The following PRDX2 variants were observed in gnomAD, a reference collection of about 807,000 sequenced individuals.
The protein encoded by PRDX2 is peroxiredoxin-2.
A neutral mutation model predicts 19.8 loss-of-function variants in PRDX2; 10 were observed. The observed-to-expected ratio is 0.50, with a 90% CI of 0.31 to 0.86. The LOEUF is 0.86. Among genes scored for constraint, PRDX2 ranks in the 40% least tolerant of loss-of-function variants. The probability of loss-of-function intolerance (pLI) is 0.04; values close to 1 mark genes in which losing one functional copy is unlikely to be tolerated. For missense variants in PRDX2, 226 were observed against 260.1 expected (o/e 0.87, Z 0.90); for synonymous variants, 118 against 108.2 (o/e 1.09, Z -0.56).
rs578206169 is a variant in PRDX2, at chr19:12,798,903, T to G, written c.511+956A>C. On this transcript the variant is annotated intron_variant, in intron 5 of 5. Transcript: ENST00000301522. ...CTCTGCCCCACCCCTACAGGTTTTT[T>G]TGTTGTTGTTGTTTTTGAGATGGAG... 2.1e-3 allele frequency among the ~76,000 whole-genome samples: 316 copies of G among 151,862 alleles called. 10 individuals carry two copies. The South Asian group carries it at 0.062, about 30-fold the overall frequency.
At position 12,800,169 on chromosome 19, in the gene PRDX2, C is replaced by T; in HGVS notation, c.380+8G>A. The T allele has an allele frequency of 6.2e-6, 10 of 1,613,290 alleles. No homozygotes were observed. Among genetic ancestry groups the T allele is most frequent in the Non-Finnish European group, 8.5e-6 (10 of 1,179,610 alleles). ...GCTCCCTGAGCCGGGCTGAGGGTCC[C>T]ACAGTACCTGTAGGCAATGCCCTCA... On this transcript the variant is annotated splice_region_variant and intron_variant, in intron 4 of 5. Coordinates refer to ENST00000301522, the MANE Select transcript of PRDX2 (RefSeq NM_005809.6).
Position 12,797,176 on chromosome 19 carries a change from GA to G in PRDX2, c.512-11del. On this transcript the variant is annotated splice_polypyrimidine_tract_variant and intron_variant, in intron 5 of 5. Coordinates refer to ENST00000301522, the MANE Select transcript of PRDX2 (RefSeq NM_005809.6). ...CAGCCAGCGGGACAAACTGTGGGAA[GA>G]CACAAGGATGCACATGAAGGCTACA... 6.2e-7 allele frequency: 1 copy of G among 1,612,912 alleles called. No homozygotes were observed. Among genetic ancestry groups the G allele is most frequent in the Non-Finnish European group, 8.5e-7 (1 of 1,178,948 alleles).
chr19:12,800,344 C>G (rs769376641), intron 3 of PRDX2, 45 bp from the exon 4 acceptor site: 1 of 1,592,074 alleles, frequency 6.3e-7, no homozygotes. Flanking sequence ...ATGCCTGGCA[C>G]AGCAGGGTCC....
At chr19:12,797,203 G>A in intron 5 of PRDX2, 37 bp from the exon 6 acceptor site, 2 of 1,585,388 alleles carry the variant, frequency 1.3e-6, no homozygotes, top group Non-Finnish European at 1.7e-6. Flanking sequence ...GAAGGCTACA[G>A]CCCCAGGTTC....
At chr19:12,798,794 ACTACAGGCATGAGACACAGCAT>A (rs1214517446) in intron 5 of PRDX2, among the ~76,000 whole-genome samples, 3 of 151,708 alleles carry the variant, frequency 2.0e-5, no homozygotes, top group African/African-American at 7.3e-5. Context: ...AGTAGGTGGA[ACTACAGGCATGAGACACAGCAT>A]CTACAGGCAT....
At chr19:12,801,132 C>T (rs1360324167) in intron 2 of PRDX2, 27 bp downstream of exon 2, 1 of 1,613,924 alleles carries the variant, frequency 6.2e-7, no homozygotes, top group Non-Finnish European at 8.5e-7. Context: ...CCCGCTTCTA[C>T]CTGGGCCCCC....
In PRDX2 at chr19:12,797,113, C is replaced by T; in HGVS notation, c.565G>A (p.Asp189Asn). ...TGTTTGGAGAAATATTCCTTGCTGT[C>T]ATCCACGTTGGGCTTAATCGTGTCA... ...GSDTIKPNVD[D>N]SKEYFSKHN Residue 189 changes from aspartate to asparagine, a missense_variant, in exon 6 of 6, where the codon GAC (aspartate) becomes AAC (asparagine). Asp to Asn is a conservative substitution (Grantham distance 23, BLOSUM62 1). Transcript: ENST00000301522. 6.2e-7 allele frequency: 1 copy of T among 1,614,204 alleles called. No individual in the cohort carries two copies. The highest frequency in any genetic ancestry group is 8.5e-7 in the Non-Finnish European group (1 of 1,180,038).
chr19:12,796,846 G>T lies in PRDX2; in HGVS notation c.*235C>A. The T allele has an allele frequency of 2.0e-6, 1 of 504,908 alleles. No individual in the cohort carries two copies. The highest frequency in any genetic ancestry group is 3.6e-6 in the Non-Finnish European group (1 of 279,442). The allele number at this position is 504,908 out of a possible 1,614,324, so 31.3% of individuals were successfully genotyped here. On this transcript the variant is annotated 3_prime_UTR_variant, in exon 6 of 6. Transcript: ENST00000301522. ...CACACCTTTCCCTAATACTTTATTG[G>T]TTACCTCTAGGCCTGTGTGCGGCTG...
In PRDX2 at chr19:12,796,879, T is replaced by C; in HGVS notation, c.*202A>G. ...TAGGCCTGTGTGCGGCTGGGTGGGC[T>C]TGGGGGAGGGCGTCACTATTCAGCT... On this transcript the variant is annotated 3_prime_UTR_variant, in exon 6 of 6. Coordinates refer to ENST00000301522, the MANE Select transcript of PRDX2 (RefSeq NM_005809.6). The C allele has an allele frequency of 1.7e-6, 1 of 578,654 alleles. No individual in the cohort carries two copies. The highest frequency in any genetic ancestry group is 3.1e-6 in the Non-Finnish European group (1 of 323,428). 35.8% of individuals were successfully genotyped at this position (578,654 alleles called of 1,614,324 possible).
chr19:12,800,976 C>T lies in PRDX2; in HGVS notation c.197G>A (p.Arg66His). Residue 66 changes from arginine (R) to histidine (H), a missense_variant, in exon 3 of 6, where the codon CGC becomes CAC. By Grantham distance (29) the Arg-to-His change is conservative (BLOSUM62 0). Transcript: ENST00000301522. Reference sequence around the variant, plus strand: ...GCCCAGCACTTCACAGCCCAGCTTGCGGAAGTCCTCTGCACGGTTGCTGAA... The same window carrying T: ...GCCCAGCACTTCACAGCCCAGCTTGTGGAAGTCCTCTGCACGGTTGCTGAA... ...IAFSNRAEDF[R>H]KLGCEVLGVS... 2 of 1,611,952 alleles carry T rather than the reference C, an allele frequency of 1.2e-6. No homozygotes were observed. Among genetic ancestry groups the T allele is most frequent in the Admixed American group, 1.7e-5 (1 of 59,946 alleles).
At chr19:12,797,273 G>A in intron 5 of PRDX2, 107 bp from the exon 6 acceptor site, 1 of 883,184 alleles carries the variant, frequency 1.1e-6, no homozygotes, top group Non-Finnish European at 1.8e-6. Flanking sequence ...AAGTGGTCCA[G>A]GCCCAGGAAT....
chr19:12,800,613 C>A (rs1968874829), intron 3 of PRDX2: 2 of 1,234,564 alleles, frequency 1.6e-6, no homozygotes, highest in African/African-American at 3.0e-5. Flanking sequence ...CAGCCCTTCA[C>A]TTCGGTGAAC....
At position 12,797,660 on chromosome 19, in the gene PRDX2, T is replaced by C. The variant is rs142538107; in HGVS notation, c.512-494A>G. ...TTTCTTCTTTTTTCTTTCTTTCTTT[T>C]TTTTTTTTTTTTTTTGAGACAGAGT... On this transcript the variant is annotated intron_variant, in intron 5 of 5. Coordinates refer to ENST00000301522, the MANE Select transcript of PRDX2 (RefSeq NM_005809.6). Among the ~76,000 whole-genome samples, 1,156 of 127,780 alleles carry C rather than the reference T, an allele frequency of 9.0e-3. 10 individuals carry two copies. Among genetic ancestry groups the C allele is most frequent in the Non-Finnish European group, 0.01 (635 of 62,208 alleles). The allele number at this position is 127,780 out of a possible 152,430, so 83.8% of individuals were successfully genotyped here. A position where few individuals can be genotyped will look rare whatever the true frequency, so the allele number is the denominator to read the frequency against.
chr19:12,799,279 C>A (rs1215565772), intron 5 of PRDX2, among the ~76,000 whole-genome samples: 4 of 152,132 alleles, frequency 2.6e-5, no homozygotes, highest in Non-Finnish European at 5.9e-5. Flanking sequence ...CTTACTGCAG[C>A]CTTGACCTCC....
intron 5 of PRDX2, among the ~76,000 whole-genome samples, chr19:12,798,043 TTTTTC>T (rs904249602): frequency 2.6e-5 from 4 of 151,526 alleles, no homozygotes; most frequent in African/African-American, 9.7e-5. Context: ...TTTTCTTCTT[TTTTTC>T]TTTTCTTTTT....
chr19:12,801,003 G>C lies in PRDX2; in HGVS notation c.170C>G (p.Ala57Gly), dbSNP rs1968884290. 1.9e-6 allele frequency: 3 copies of C among 1,612,632 alleles called. No homozygotes were observed. Among genetic ancestry groups the C allele is most frequent in the South Asian group, 2.2e-5 (2 of 91,048 alleles). Residue 57 changes from alanine to glycine, a missense_variant, in exon 3 of 6, where the codon GCG (alanine) becomes GGG (glycine). Ala to Gly is a moderately conservative substitution (Grantham distance 60). Transcript: ENST00000301522. ...FTFVCPTEII[A>G]FSNRAEDFRK... ...GAAGTCCTCTGCACGGTTGCTGAAC[G>C]CGATGATCTCGGTGGGGCACACAAA...
chr19:12,798,187 G>GGCGCCCGCCACC (rs1480116548), intron 5 of PRDX2, among the ~76,000 whole-genome samples: 1 of 149,592 alleles, frequency 6.7e-6, no homozygotes, highest in Non-Finnish European at 1.5e-5. Context: ...TGGGACTACA[G>GGCGCCCGCCACC]GCGCCCGCCA....
rs539859940 is a variant in PRDX2, at chr19:12,797,030, C to A, written c.*51G>T. ...ACCCAGGTGGGGGCACAGGTGGACACCCAGCACAGGCACCTAGGCAGGGGC... is the reference window on the plus strand; with the variant it reads ...ACCCAGGTGGGGGCACAGGTGGACAACCAGCACAGGCACCTAGGCAGGGGC... On this transcript the variant is annotated 3_prime_UTR_variant, in exon 6 of 6. Transcript: ENST00000301522. 6.3e-7 allele frequency: 1 copy of A among 1,595,520 alleles called. No homozygotes were observed. Among genetic ancestry groups the A allele is most frequent in the South Asian group, 1.1e-5 (1 of 89,904 alleles).
chr19:12,800,723 T>C, intron 3 of PRDX2, 193 bp downstream of exon 3: 17 of 1,498,556 alleles, frequency 1.1e-5, no homozygotes, highest in Non-Finnish European at 1.4e-5. Context: ...TCTGCAACTC[T>C]ATATACCAGG....
Sources: gnomAD v4.1 joint callset for allele counts (sites outside exome capture counted in the v4.1 genomes callset) on GRCh38, gnomAD v4.1.1 for gene constraint, MANE v1.5 for transcripts, NCBI Gene and HGNC (gene_info 2026-07-23, HGNC 2026-07-21) for gene names.